Variants in TDRP observed in about 807,000 individuals in gnomAD.
The protein encoded by TDRP is testis development-related protein.
TDRP carries 12 observed loss-of-function variants against 10.5 expected under a neutral mutation model. The ratio of observed to expected loss-of-function variants is 1.15; its 90% CI spans 0.73 to 1.86. The LOEUF (loss-of-function observed/expected upper bound fraction) is 1.86. TDRP is among the 40% of genes most tolerant of loss of function. TDRP has a pLI of 0.00. For missense variants in TDRP, 353 were observed against 229.2 expected, an observed-to-expected ratio of 1.54 and a Z score of -3.49; for synonymous variants, 139 against 95.4, an observed-to-expected ratio of 1.46 and a Z score of -2.67.
In TDRP at chr8:490,807, T is replaced by C. The variant is rs1020207682; in HGVS notation, c.*1592A>G. 2.6e-5 allele frequency: 4 copies of C among 152,176 alleles called. No homozygotes were observed. The highest frequency in any genetic ancestry group is 7.2e-5 in the African/African-American group (3 of 41,428). The allele number at this position is 152,176 out of a possible 1,614,324, so 9.4% of individuals were successfully genotyped here. A position where few individuals can be genotyped will look rare whatever the true frequency, so the allele number is the denominator to read the frequency against. The stretch of plus-strand genomic sequence containing the variant: ...ACCATTTCAAGGTTCTAATACAAGC[T>C]GGAATTTTTGTTTGAACACCAATTG... On this transcript the variant is annotated 3_prime_UTR_variant, in exon 3 of 3. Transcript: ENST00000324079.
intron 1 of TDRP, among the ~76,000 whole-genome samples, chr8:543,688 C>T (rs1207708008): frequency 1.3e-5 from 2 of 152,000 alleles, no homozygotes; most frequent in East Asian, 3.9e-4. Flanking sequence ...ATTTAACGTT[C>T]ATAGAAAATC....
intron 1 of TDRP, among the ~76,000 whole-genome samples, chr8:539,502 G>A (rs1376810889): frequency 1.3e-5 from 2 of 152,148 alleles, no homozygotes; most frequent in South Asian, 2.1e-4. Flanking sequence ...AAACACAGAC[G>A]AAAGAATGAG....
intron 1 of TDRP, among the ~76,000 whole-genome samples, chr8:537,903 C>T (rs758921432): frequency 3.9e-5 from 6 of 152,222 alleles, no homozygotes; most frequent in Admixed American, 2.0e-4. Flanking sequence ...CTTTCATCTT[C>T]ACAATCTGTG....
At chr8:541,137 C>T (rs1802485465) in intron 1 of TDRP, among the ~76,000 whole-genome samples, 1 of 152,200 alleles carries the variant, frequency 6.6e-6, no homozygotes, top group African/African-American at 2.4e-5. Context: ...TTAATTCTAA[C>T]ATCTTAATTC....
chr8:499,537 A>G (rs935091455), intron 1 of TDRP, among the ~76,000 whole-genome samples: 4 of 152,174 alleles, frequency 2.6e-5, no homozygotes, highest in Admixed American at 1.3e-4. Flanking sequence ...ACCTCCATGG[A>G]GAACAAGTAA....
chr8:512,368 G>A (rs969931128), intron 1 of TDRP, among the ~76,000 whole-genome samples: 3 of 152,088 alleles, frequency 2.0e-5, no homozygotes, highest in Admixed American at 6.5e-5. Flanking sequence ...GGGAGGCGGA[G>A]GCTGCAGTGA....
chr8:541,667 C>G (rs1040055570), intron 1 of TDRP, among the ~76,000 whole-genome samples: 6 of 152,198 alleles, frequency 3.9e-5, no homozygotes, highest in African/African-American at 1.2e-4. Context: ...ATGCTCATGT[C>G]ATTTATCATC....
chr8:508,691 T>C (rs1232978786), intron 1 of TDRP, among the ~76,000 whole-genome samples: 3 of 152,142 alleles, frequency 2.0e-5, no homozygotes, highest in African/African-American at 7.2e-5. Context: ...AGCCAAACCG[T>C]ATCATTCCAC....
At chr8:512,836 G>C (rs1486283036) in intron 1 of TDRP, among the ~76,000 whole-genome samples, 11 of 148,272 alleles carry the variant, frequency 7.4e-5, no homozygotes, top group Non-Finnish European at 1.5e-4. Flanking sequence ...GCTGGGCATG[G>C]TGGCATGTGC....
intron 1 of TDRP, among the ~76,000 whole-genome samples, chr8:522,658 CTTTG>C (rs1401716321): frequency 1.3e-5 from 2 of 152,198 alleles, no homozygotes; most frequent in Non-Finnish European, 2.9e-5. Context: ...TAGCTTGACT[CTTTG>C]TTTGGGGCTC....
chr8:535,932 C>G (rs1405851462), intron 1 of TDRP, among the ~76,000 whole-genome samples: 1 of 152,146 alleles, frequency 6.6e-6, no homozygotes, highest in Non-Finnish European at 1.5e-5. Flanking sequence ...GTTCAGTTTT[C>G]AAGACAGTGA....
intron 1 of TDRP, among the ~76,000 whole-genome samples, chr8:539,588 G>A (rs566321706): frequency 1.3e-5 from 2 of 152,254 alleles, no homozygotes; most frequent in East Asian, 1.9e-4. Context: ...GTTTACTGCA[G>A]GTTAATGTCT....
chr8:543,098 A>C (rs1158558008), intron 1 of TDRP, among the ~76,000 whole-genome samples: 1 of 152,106 alleles, frequency 6.6e-6, no homozygotes, highest in Admixed American at 6.6e-5. Context: ...ACGTGAGCCC[A>C]GGAGTTTCAG....
chr8:519,929 T>C (rs560261619), intron 1 of TDRP, among the ~76,000 whole-genome samples: 2 of 152,180 alleles, frequency 1.3e-5, no homozygotes, highest in Admixed American at 1.3e-4. Flanking sequence ...TAAGGAAATA[T>C]ATGACCAGAT....
At chr8:530,517 C>A (rs891210781) in intron 1 of TDRP, among the ~76,000 whole-genome samples, 8 of 152,160 alleles carry the variant, frequency 5.3e-5, no homozygotes, top group Non-Finnish European at 1.2e-4. Context: ...CTTCACCAAT[C>A]AGCTCAGCTA....
chr8:524,839 T>C (rs1405277895), intron 1 of TDRP, among the ~76,000 whole-genome samples: 4 of 152,120 alleles, frequency 2.6e-5, no homozygotes, highest in African/African-American at 9.7e-5. Flanking sequence ...AAGGCAAAGC[T>C]AGGAGTTATT....
upstream of TDRP, chr8:545,499 G>C (rs1802629582): frequency 6.6e-6 from 1 of 151,410 alleles, no homozygotes; most frequent in African/African-American, 2.4e-5. Context: ...ACGTCCGCTC[G>C]GGTCACCAAG....
intron 2 of TDRP, among the ~76,000 whole-genome samples, 152 bp downstream of exon 2, chr8:494,342 G>A (rs367572868): frequency 6.6e-6 from 1 of 152,152 alleles, no homozygotes; most frequent in African/African-American, 2.4e-5. Flanking sequence ...ACTCAACAGG[G>A]ACAGACGGAG....
intron 1 of TDRP, among the ~76,000 whole-genome samples, chr8:500,689 G>A (rs968791438): frequency 2.6e-5 from 4 of 152,192 alleles, no homozygotes; most frequent in Non-Finnish European, 4.4e-5. Flanking sequence ...AAAGCAGATG[G>A]AAATTTCTCC....
Sources: gnomAD v4.1 joint callset for allele counts (sites outside exome capture counted in the v4.1 genomes callset) on GRCh38, gnomAD v4.1.1 for gene constraint, MANE v1.5 for transcripts, NCBI Gene and HGNC (gene_info 2026-07-23, HGNC 2026-07-21) for gene names.